FOXP2: variants seen among roughly 807,000 people sequenced by gnomAD.
The protein encoded by FOXP2 is forkhead box P2.
Under a neutral mutation model 115.8 loss-of-function variants are expected in FOXP2, and 12 were observed. That is an observed-to-expected ratio of 0.10 (90% CI 0.07 to 0.17). The LOEUF (loss-of-function observed/expected upper bound fraction) is 0.17. Among genes scored for constraint, FOXP2 ranks in the 10% least tolerant of loss-of-function variants. The probability of loss-of-function intolerance (pLI) is 1.00; values close to 1 mark genes in which losing one functional copy is unlikely to be tolerated. For synonymous variants in FOXP2, 328 were observed against 297.7 expected (o/e 1.10, Z -1.05); for missense variants, 629 against 843.5 (o/e 0.75, Z 3.15).
At chr7:114,387,631 C>T (rs906434888) in intron 2 of FOXP2, among the ~76,000 whole-genome samples, 13 of 151,804 alleles carry the variant, frequency 8.6e-5, no homozygotes, top group African/African-American at 3.1e-4. Flanking sequence ...TTAGCAAGCT[C>T]AATAGACACA....
At chr7:114,095,091 GTTA>G (rs1188116545) in intron 1 of FOXP2, among the ~76,000 whole-genome samples, 1 of 152,134 alleles carries the variant, frequency 6.6e-6, no homozygotes, top group Non-Finnish European at 1.5e-5. Flanking sequence ...AAAGTATCTA[GTTA>G]TTATCCCACA....
rs57281183 is a variant in FOXP2 at position 114,394,005 on chromosome 7, TGAGA to T, written c.-10-32476_-10-32473del. Among the ~76,000 whole-genome samples the T allele has an allele frequency of 6.2e-3, 563 of 91,542 alleles. 2 individuals are homozygous for T. Among genetic ancestry groups the T allele is most frequent in the African/African-American group, 0.014 (400 of 29,540 alleles). The allele number at this position is 91,542 out of a possible 152,430, so 60.1% of individuals were successfully genotyped here. On this transcript the variant is annotated intron_variant, in intron 2 of 17. Coordinates refer to the FOXP2 transcript ENST00000634411. Reference sequence around the variant, plus strand: ...GAGTGTGTGTGTGTGTGTGTGTGTGTGAGAGAGAGAGAGAGAGAGAGAGATCCCT... The same window carrying T: ...GAGTGTGTGTGTGTGTGTGTGTGTGTGAGAGAGAGAGAGAGAGAGATCCCT...
intron 2 of FOXP2, among the ~76,000 whole-genome samples, chr7:114,467,693 G>T (rs1233830302): frequency 6.6e-6 from 1 of 152,036 alleles, no homozygotes; most frequent in Non-Finnish European, 1.5e-5. Flanking sequence ...TGAGGAGGAT[G>T]GGAACAAGAA....
In FOXP2 at chr7:114,532,836, A is replaced by T. The variant is rs1325220316; in HGVS notation, c.169-1781A>T. ...ATCAAATGCATTTTTTATTTTGAGA[A>T]TTTCAGAGACACAGCCTGGGACACC... On this transcript the variant is annotated intron_variant, in intron 2 of 16. Transcript: ENST00000350908. Among the ~76,000 whole-genome samples the T allele has an allele frequency of 2.0e-5, 3 of 152,016 alleles. No individual in the cohort carries two copies. In the East Asian group the frequency reaches 5.8e-4, roughly 29 times the overall value.
At chr7:114,575,609 C>G (rs1801531581) in intron 3 of FOXP2, among the ~76,000 whole-genome samples, 1 of 151,812 alleles carries the variant, frequency 6.6e-6, no homozygotes, top group African/African-American at 2.4e-5. Flanking sequence ...CTCTGCCTCA[C>G]CAGACCTAAA....
rs576903311 is a variant in FOXP2 at position 114,662,163 on chromosome 7, G to A, written c.1746G>A (p.Lys582=). The stretch of plus-strand genomic sequence containing the variant: ...CTGTGGATGAAGTAGAATACCAGAA[G>A]CGAAGGTCACAAAAGATAACAGGGT... The part of the protein sequence containing the change: ...VWTVDEVEYQ[K]RRSQKITGSP... The change falls in exon 14 of 17, where the codon AAG becomes AAA. Residue 582 remains lysine (K), a synonymous_variant. Transcript: ENST00000350908. 6 of 1,612,812 alleles carry A rather than the reference G, an allele frequency of 3.7e-6. No individual in the cohort carries two copies. In the African/African-American group the frequency reaches 6.7e-5, roughly 18 times the overall value.
chr7:114,205,955 C>A (rs1284104333), intron 1 of FOXP2, among the ~76,000 whole-genome samples: 1 of 152,158 alleles, frequency 6.6e-6, no homozygotes, highest in Non-Finnish European at 1.5e-5. Context: ...CATGGCCAAG[C>A]TTGGTGGCAT....
chr7:114,365,606 C>A (rs1484786647), intron 2 of FOXP2, among the ~76,000 whole-genome samples: 2 of 152,038 alleles, frequency 1.3e-5, no homozygotes, highest in African/African-American at 4.8e-5. Flanking sequence ...GAAGATTAAT[C>A]TCTTTAGATC....
At chr7:114,275,611 G>A (rs1003809216) in intron 1 of FOXP2, among the ~76,000 whole-genome samples, 2 of 152,100 alleles carry the variant, frequency 1.3e-5, no homozygotes, top group African/African-American at 4.8e-5. Context: ...ATCCATTAGA[G>A]CGCTTAGCAC....
At chr7:114,501,308 A>T (rs1048366627) in intron 2 of FOXP2, among the ~76,000 whole-genome samples, 1 of 152,074 alleles carries the variant, frequency 6.6e-6, no homozygotes, top group African/African-American at 2.4e-5. Flanking sequence ...CTTTGGTTCA[A>T]TTTTATTATT....
chr7:114,128,987 T>G (rs2129144931), intron 1 of FOXP2, among the ~76,000 whole-genome samples: 1 of 152,280 alleles, frequency 6.6e-6, no homozygotes, highest in South Asian at 2.1e-4. Context: ...TGTGCTTCCT[T>G]TGGCTGCAAT....
chr7:114,153,393 AGTT>A (rs1792575381), intron 1 of FOXP2, among the ~76,000 whole-genome samples: 1 of 152,174 alleles, frequency 6.6e-6, no homozygotes, highest in Non-Finnish European at 1.5e-5. Context: ...TTTATTGTGT[AGTT>A]GTTCCTAGTT....
chr7:114,459,873 C>A (rs1336107337), intron 2 of FOXP2, among the ~76,000 whole-genome samples: 1 of 152,198 alleles, frequency 6.6e-6, no homozygotes, highest in Non-Finnish European at 1.5e-5. Context: ...GCCTCAGCCT[C>A]CCAAAGTTCT....
chr7:114,389,437 A>C lies in FOXP2; in HGVS notation c.-10-37065A>C, dbSNP rs575163382. On this transcript the variant is annotated intron_variant, in intron 2 of 17. Transcript: ENST00000634411. ...AGACTATTGGTTGTGTGCCTTGGGA[A>C]TCAATAGACAAATTTTAAGGTTGGC... 3.9e-5 allele frequency among the ~76,000 whole-genome samples: 6 copies of C among 152,336 alleles called. No homozygotes were observed. The East Asian group carries it at 9.7e-4, about 25-fold the overall frequency.
intron 1 of FOXP2, among the ~76,000 whole-genome samples, chr7:114,122,479 G>A (rs1340555850): frequency 2.7e-5 from 4 of 149,836 alleles, no homozygotes; most frequent in Admixed American, 2.0e-4. Flanking sequence ...GTTGTACTGC[G>A]TAGGATAGAT....
chr7:114,139,191 G>A (rs548528655), intron 1 of FOXP2, among the ~76,000 whole-genome samples: 1 of 152,104 alleles, frequency 6.6e-6, no homozygotes, highest in African/African-American at 2.4e-5. Context: ...CAACTTTTTG[G>A]TAGGTATTAC....
chr7:114,139,544 T>G (rs1344304835), intron 1 of FOXP2, among the ~76,000 whole-genome samples: 1 of 152,194 alleles, frequency 6.6e-6, no homozygotes, highest in Non-Finnish European at 1.5e-5. Context: ...TTCTACAAAT[T>G]TTCTGCAGAA....
intron 1 of FOXP2, among the ~76,000 whole-genome samples, chr7:114,273,029 T>C (rs1234014790): frequency 6.6e-6 from 1 of 151,964 alleles, no homozygotes; most frequent in Non-Finnish European, 1.5e-5. Context: ...AGAGCAAACA[T>C]AGGTCATGGA....
At chr7:114,353,777 G>A (rs566018348) in intron 2 of FOXP2, among the ~76,000 whole-genome samples, 14 of 152,060 alleles carry the variant, frequency 9.2e-5, no homozygotes, top group African/African-American at 3.4e-4. Flanking sequence ...GTTCAATTAC[G>A]ATACTGGTGC....
Sources: gnomAD v4.1 joint callset for allele counts (sites outside exome capture counted in the v4.1 genomes callset) on GRCh38, gnomAD v4.1.1 for gene constraint, MANE v1.5 for transcripts, NCBI Gene and HGNC (gene_info 2026-07-23, HGNC 2026-07-21) for gene names.